MAP3K9: variants seen among roughly 807,000 people sequenced by gnomAD.
MAP3K9 encodes mixed lineage kinase 1 (tyr and ser/thr specificity).
In MAP3K9, 46 loss-of-function variants were observed where a neutral mutation model predicts 95.8. That is an observed-to-expected ratio of 0.48 (90% CI 0.38 to 0.61). MAP3K9 has a LOEUF of 0.61. Ranked by LOEUF, MAP3K9 falls within the 20% of genes least tolerant of loss-of-function variation. The pLI is 0.00. For synonymous variants in MAP3K9, 533 were observed against 593.8 expected, an observed-to-expected ratio of 0.90 and a Z score of 1.49; for missense variants, 1,296 against 1,474.3, an observed-to-expected ratio of 0.88 and a Z score of 1.98.
intron 1 of MAP3K9, among the ~76,000 whole-genome samples, chr14:70,806,105 T>G (rs2139869676): frequency 6.6e-6 from 1 of 152,338 alleles, no homozygotes; most frequent in South Asian, 2.1e-4. Context: ...AGGGTAACTC[T>G]GGCGATGAAG....
Position 70,768,308 on chromosome 14 carries a change from A to G in MAP3K9, c.821-7126T>C, listed in dbSNP as rs184685773. 1.1e-3 allele frequency among the ~76,000 whole-genome samples: 174 copies of G among 152,282 alleles called. 1 individual carries two copies. The highest frequency in any genetic ancestry group is 3.6e-3 in the African/African-American group (148 of 41,576). On this transcript the variant is annotated intron_variant, in intron 2 of 11. Coordinates refer to ENST00000554752, the MANE Select transcript of MAP3K9 (RefSeq NM_001284230.2). ...TGTACCCACAAAAATTAAAAATTAA[A>G]AAAAAATTTAAAGAAGAAATTCTAT... is the stretch of plus-strand genomic sequence containing the variant.
chr14:70,808,548 A>G (rs1416440470), intron 1 of MAP3K9, among the ~76,000 whole-genome samples: 1 of 152,112 alleles, frequency 6.6e-6, no homozygotes, highest in African/African-American at 2.4e-5. Context: ...AAGGTGAAGA[A>G]GCCCAAGCGT....
intron 2 of MAP3K9, among the ~76,000 whole-genome samples, chr14:70,790,303 T>C (rs1221662090): frequency 2.0e-5 from 3 of 152,192 alleles, no homozygotes; most frequent in East Asian, 1.9e-4. Context: ...CCTGAGCACA[T>C]AGCAGCCTGA....
intron 3 of MAP3K9, among the ~76,000 whole-genome samples, chr14:70,754,925 C>G (rs1390661357): frequency 6.6e-6 from 1 of 152,182 alleles, no homozygotes. Flanking sequence ...TCAGCAATAG[C>G]CTTCTTGAGG....
intron 1 of MAP3K9, among the ~76,000 whole-genome samples, chr14:70,802,571 G>C (rs887251463): frequency 2.0e-5 from 3 of 151,872 alleles, no homozygotes; most frequent in African/African-American, 7.3e-5. Context: ...TTTTTCTTTT[G>C]TCTTTACCTG....
rs138921681 is a variant in MAP3K9, at chr14:70,730,667, C to A, written c.3028G>T (p.Val1010Leu). The A allele has an allele frequency of 1.4e-4, 224 of 1,613,700 alleles. No individual in the cohort carries two copies. Among genetic ancestry groups the A allele is most frequent in the African/African-American group, 1.2e-3 (88 of 75,044 alleles). ...NRQRLDPWWFVSPSHARSTSP... is the reference protein window; with the variant it reads ...NRQRLDPWWFLSPSHARSTSP... ...GTGCTGCGGGCATGGCTGGGGGACA[C>A]AAACCACCAAGGGTCCAGCCGTTGC... The change falls in exon 12 of 12, where the codon GTG (valine) becomes TTG (leucine). Residue 1010 changes from valine (V) to leucine (L), a missense_variant. Physicochemically the swap from Val to Leu is conservative, Grantham distance 32. Coordinates refer to ENST00000554752, the MANE Select transcript of MAP3K9 (RefSeq NM_001284230.2).
In MAP3K9 at chr14:70,740,168, C is replaced by A. The variant is rs749612070; in HGVS notation, c.1568-4G>T. 6 of 1,611,882 alleles carry A rather than the reference C, an allele frequency of 3.7e-6. No homozygotes were observed. The highest frequency in any genetic ancestry group is 5.1e-6 in the Non-Finnish European group (6 of 1,178,210). On this transcript the variant is annotated splice_region_variant and splice_polypyrimidine_tract_variant and intron_variant, in intron 6 of 11. Coordinates refer to ENST00000554752, the MANE Select transcript of MAP3K9 (RefSeq NM_001284230.2). Reference sequence around the variant, plus strand: ...ACCGTGAACTTGTGCTGGAAATCTGCTTGGGGAAAGACAAACACGTGTATG... The same window carrying A: ...ACCGTGAACTTGTGCTGGAAATCTGATTGGGGAAAGACAAACACGTGTATG...
chr14:70,735,888 T>C, intron 9 of MAP3K9, 73 bp downstream of exon 9: 1 of 1,145,240 alleles, frequency 8.7e-7, no homozygotes. Flanking sequence ...CTATGGGGTA[T>C]GCTGTAAGAA....
chr14:70,789,598 T>C (rs139559586), intron 2 of MAP3K9, among the ~76,000 whole-genome samples: 2,168 of 152,334 alleles, frequency 0.014, 23 homozygotes, highest in Non-Finnish European at 0.02. Flanking sequence ...ACGTGCCCAA[T>C]GTCAAGTGCT....
chr14:70,800,623 T>C (rs1218500178), intron 2 of MAP3K9, 44 bp downstream of exon 2: 1 of 1,580,024 alleles, frequency 6.3e-7, no homozygotes. Flanking sequence ...GGGATACAAC[T>C]GCAACTGCTC....
intron 8 of MAP3K9, among the ~76,000 whole-genome samples, 167 bp downstream of exon 8, chr14:70,738,078 G>A (rs895581298): frequency 3.3e-5 from 5 of 152,150 alleles, no homozygotes; most frequent in Non-Finnish European, 7.3e-5. Context: ...GTTCTAGGAC[G>A]TTCCAGGAAC....
At chr14:70,768,676 GAT>G (rs1486799372) in intron 2 of MAP3K9, among the ~76,000 whole-genome samples, 1 of 152,136 alleles carries the variant, frequency 6.6e-6, no homozygotes, top group Admixed American at 6.5e-5. Flanking sequence ...GCCACTAAGG[GAT>G]TTGTGAATCT....
In MAP3K9 at chr14:70,730,463, C is replaced by A; in HGVS notation, c.3232G>T (p.Asp1078Tyr). The change falls in exon 12 of 12, where the codon GAC becomes TAC. Residue 1078 changes from aspartate to tyrosine, a missense_variant. By Grantham distance (160) the Asp-to-Tyr change is radical. Coordinates refer to ENST00000554752, the MANE Select transcript of MAP3K9 (RefSeq NM_001284230.2). ...GCTCTGCACAGCGGCACGGTGCTGT[C>A]CTGACTCTGCCCCTCTGCATCCAGG... Reference protein sequence around the residue: ...LDLDAEGQSQDSTVPLCRAEL... With the variant: ...LDLDAEGQSQYSTVPLCRAEL... The A allele has an allele frequency of 6.2e-7, 1 of 1,614,190 alleles. No homozygotes were observed. Among genetic ancestry groups the A allele is most frequent in the Non-Finnish European group, 8.5e-7 (1 of 1,180,040 alleles).
intron 2 of MAP3K9, among the ~76,000 whole-genome samples, chr14:70,791,015 G>A (rs761586535): frequency 3.3e-5 from 5 of 152,126 alleles, no homozygotes; most frequent in Admixed American, 2.0e-4. Flanking sequence ...GAACAATGAC[G>A]GTGCCACAGA....
intron 2 of MAP3K9, among the ~76,000 whole-genome samples, chr14:70,789,301 A>G (rs2054781791): frequency 6.6e-6 from 1 of 152,228 alleles, no homozygotes. Context: ...TAGTAAAACT[A>G]TGCCTGGCTG....
chr14:70,785,594 G>A (rs759926323), intron 2 of MAP3K9, among the ~76,000 whole-genome samples: 6 of 152,150 alleles, frequency 3.9e-5, no homozygotes, highest in African/African-American at 9.7e-5. Context: ...TGACATAGGC[G>A]AGGTGACACA....
rs2054015988 is a variant in MAP3K9, at chr14:70,738,383, C to G, written c.1706G>C (p.Ser569Thr). Residue 569 changes from serine (S) to threonine (T), a missense_variant, in exon 8 of 12, where the codon AGC becomes ACC. Physicochemically the swap from Ser to Thr is moderately conservative, Grantham distance 58. This residue lies in a region of MAP3K9 where 377 missense variants were observed against 417.1 expected (regional missense o/e 0.90). Coordinates refer to ENST00000554752, the MANE Select transcript of MAP3K9 (RefSeq NM_001284230.2). ...LRAIQLTPGE[S>T]SKTWGRSSVV... is the part of the protein sequence containing the mutation. ...TGAGCTCCTGCCCCAGGTTTTGCTG[C>G]TTTCACCTGGTGTCACTGTGAATCA... 1 of 1,613,768 alleles carries G rather than the reference C, an allele frequency of 6.2e-7. No homozygotes were observed. The highest frequency in any genetic ancestry group is 8.5e-7 in the Non-Finnish European group (1 of 1,179,940).
At chr14:70,769,124 T>C (rs553358514) in intron 2 of MAP3K9, among the ~76,000 whole-genome samples, 1 of 148,716 alleles carries the variant, frequency 6.7e-6, no homozygotes, top group East Asian at 2.0e-4. Context: ...GGCAGGAGAA[T>C]GGCTTGAGCC....
rs2054634618 is a variant in MAP3K9, at chr14:70,778,778, G to A, written c.821-17596C>T. ...CTCTACTTACAGATGAAGAAGCTGT[G>A]GCTGAGAAGTGAGGATATTCCCCTG... On this transcript the variant is annotated intron_variant, in intron 2 of 11. Transcript: ENST00000554752. Among the ~76,000 whole-genome samples, 4 of 152,174 alleles carry A rather than the reference G, an allele frequency of 2.6e-5. No homozygotes were observed. In the South Asian group the frequency reaches 8.3e-4, roughly 32 times the overall value.
Sources: gnomAD v4.1 joint callset for allele counts (sites outside exome capture counted in the v4.1 genomes callset) on GRCh38, gnomAD v4.1.1 for gene constraint, gnomAD v4.1.1 regional missense constraint, MANE v1.5 for transcripts, NCBI Gene and HGNC (gene_info 2026-07-23, HGNC 2026-07-21) for gene names.